PREX1: variants seen among roughly 807,000 people sequenced by gnomAD.
The protein encoded by PREX1 is phosphatidylinositol-3,4,5-trisphosphate dependent Rac exchange factor 1.
PREX1 carries 41 observed loss-of-function variants against 198.3 expected under a neutral mutation model. That is an observed-to-expected ratio of 0.21 (90% confidence interval 0.16 to 0.27). PREX1 has a LOEUF of 0.27. Ranked by LOEUF, PREX1 falls within the 10% of genes least tolerant of loss-of-function variation. The probability of loss-of-function intolerance (pLI) is 1.00; values close to 1 mark genes in which losing one functional copy is unlikely to be tolerated. For synonymous variants in PREX1, 843 were observed against 887.2 expected (o/e 0.95, Z 0.89); for missense variants, 1,620 against 2,200.7 (o/e 0.74, Z 5.28).
intron 27 of PREX1, among the ~76,000 whole-genome samples, chr20:48,643,800 A>T (rs527841445): frequency 6.6e-5 from 10 of 152,054 alleles, no homozygotes; most frequent in Admixed American, 2.0e-4. Flanking sequence ...CAGCCTCCCA[A>T]ATAGCTGGGA....
intron 37 of PREX1, among the ~76,000 whole-genome samples, chr20:48,628,167 C>T (rs1049135889): frequency 1.4e-4 from 22 of 152,170 alleles, no homozygotes; most frequent in African/African-American, 4.8e-4. Flanking sequence ...CAGCCACCAC[C>T]CTCACTGGCA....
chr20:48,723,887 C>T (rs1000179096), intron 5 of PREX1, among the ~76,000 whole-genome samples: 6 of 152,166 alleles, frequency 3.9e-5, no homozygotes, highest in Non-Finnish European at 7.3e-5. Context: ...AAATATGTCA[C>T]GGAAGCTGCA....
chr20:48,838,051 T>A, the PREX1 span, among the ~76,000 whole-genome samples: 5 of 152,180 alleles, frequency 3.3e-5, no homozygotes, highest in Non-Finnish European at 1.5e-5. Context: ...TGAACTACAG[T>A]GCTCAGAGGA....
Position 48,729,051 on chromosome 20 carries a change from C to G in PREX1, c.520-2660G>C, listed in dbSNP as rs564747162. ...CCTCCCTTTCTGCCCATGCTGCCCC[C>G]CTGGCTGATCCCACCCTGACTCGGC... is the stretch of plus-strand genomic sequence containing the variant. On this transcript the variant is annotated intron_variant, in intron 4 of 39. Transcript: ENST00000371941. 4.5e-4 allele frequency among the ~76,000 whole-genome samples: 68 copies of G among 152,138 alleles called. 1 individual carries two copies. The highest frequency in any genetic ancestry group is 1.6e-3 in the African/African-American group (66 of 41,508).
rs139224346 is a variant in PREX1 at position 48,739,545 on chromosome 20, A to C, written c.415-4895T>G. Reference sequence around the variant, plus strand: ...CAGAGTCACTCTTTACCACATCTGCATTTTATGTTCTTCACAGTCTGCACT... The same window carrying C: ...CAGAGTCACTCTTTACCACATCTGCCTTTTATGTTCTTCACAGTCTGCACT... On this transcript the variant is annotated intron_variant, in intron 3 of 39. Coordinates refer to ENST00000371941, the MANE Select transcript of PREX1 (RefSeq NM_020820.4). Among the ~76,000 whole-genome samples the C allele has an allele frequency of 4.2e-3, 634 of 152,232 alleles. 6 individuals carry two copies. The highest frequency in any genetic ancestry group is 0.015 in the African/African-American group (611 of 41,540).
intron 30 of PREX1, among the ~76,000 whole-genome samples, chr20:48,638,982 G>C (rs1205890778): frequency 6.6e-6 from 1 of 152,236 alleles, no homozygotes; most frequent in Non-Finnish European, 1.5e-5. Flanking sequence ...CTCCGACTCA[G>C]AGGCTGCCAT....
At chr20:48,778,524 A>C (rs2090273981) in intron 1 of PREX1, among the ~76,000 whole-genome samples, 1 of 151,920 alleles carries the variant, frequency 6.6e-6, no homozygotes, top group African/African-American at 2.4e-5. Flanking sequence ...CAGGAGGTGG[A>C]GGTTGCAGTG....
At chr20:48,710,261 C>A (rs761579652) in intron 5 of PREX1, among the ~76,000 whole-genome samples, 3 of 152,196 alleles carry the variant, frequency 2.0e-5, no homozygotes, top group Admixed American at 1.3e-4. Flanking sequence ...GAGTGTATTT[C>A]GACTCATTCT....
chr20:48,688,859 G>A (rs1480327558), intron 9 of PREX1, 55 bp from the exon 10 acceptor site: 9 of 1,605,540 alleles, frequency 5.6e-6, no homozygotes, highest in East Asian at 2.2e-5. Flanking sequence ...GGCAGGGGGG[G>A]TAGGGGGAGA....
the PREX1 span, among the ~76,000 whole-genome samples, chr20:48,865,298 G>T: frequency 6.6e-6 from 1 of 152,196 alleles, no homozygotes; most frequent in Admixed American, 6.5e-5. Flanking sequence ...GTAAAATGAA[G>T]TATGTGCAAT....
At chr20:48,838,418 C>A in the PREX1 span, among the ~76,000 whole-genome samples, 1 of 152,156 alleles carries the variant, frequency 6.6e-6, no homozygotes, top group Non-Finnish European at 1.5e-5. Flanking sequence ...CACATTCAGA[C>A]AAACTTCGAT....
intron 3 of PREX1, among the ~76,000 whole-genome samples, chr20:48,742,631 G>C (rs1284325388): frequency 6.6e-6 from 1 of 152,158 alleles, no homozygotes; most frequent in Non-Finnish European, 1.5e-5. Flanking sequence ...GCCTTCACCA[G>C]GTGCCTAGTT....
Position 48,642,074 on chromosome 20 carries a change from AG to A in PREX1, c.3775+93del. On this transcript the variant is annotated intron_variant, in intron 29 of 39. Coordinates refer to ENST00000371941, the MANE Select transcript of PREX1 (RefSeq NM_020820.4). ...GATGATCCTACAGTCGTTCAGCAGT[AG>A]GAGGGCAGAGCTGAGCATTAGCCCG... 5 of 1,293,360 alleles carry A rather than the reference AG, an allele frequency of 3.9e-6. No individual in the cohort carries two copies. The South Asian group carries it at 6.3e-5, about 16-fold the overall frequency. 80.1% of individuals were successfully genotyped at this position (1,293,360 alleles called of 1,614,324 possible). A position where few individuals can be genotyped will look rare whatever the true frequency, so the allele number is the denominator to read the frequency against.
Position 48,666,331 on chromosome 20 carries a change from C to T in PREX1, c.1690G>A (p.Ala564Thr). 2 of 1,567,800 alleles carry T rather than the reference C, an allele frequency of 1.3e-6. No homozygotes were observed. The highest frequency in any genetic ancestry group is 1.4e-5 in the African/African-American group (1 of 73,612). Residue 564 changes from alanine to threonine, a missense_variant, in exon 15 of 40, where the codon GCA (alanine) becomes ACA (threonine). Physicochemically the swap from Ala to Thr is moderately conservative, Grantham distance 58. Coordinates refer to ENST00000371941, the MANE Select transcript of PREX1 (RefSeq NM_020820.4). This position sits in a 1 kb window ranked among gnomAD's most constrained non-coding sequence, Gnocchi z 4.3. ...CACAGACCCACGCCGAGCGCCACTG[C>T]CTCCTCCCGAGTCTGGCAGTCTCCC... Reference protein sequence around the residue: ...AQGDCQTREEAVALGVGLCNN... With the variant: ...AQGDCQTREETVALGVGLCNN...
chr20:48,724,929 G>C (rs2090002956), intron 5 of PREX1, among the ~76,000 whole-genome samples: 1 of 152,228 alleles, frequency 6.6e-6, no homozygotes, highest in African/African-American at 2.4e-5. Context: ...TCGAAGCCAT[G>C]GCAACAACAA....
chr20:48,857,630 G>C, the PREX1 span, among the ~76,000 whole-genome samples: 44 of 152,248 alleles, frequency 2.9e-4, no homozygotes, highest in African/African-American at 9.9e-4. Flanking sequence ...AAAATTAACA[G>C]AGCATGGTGG....
chr20:48,650,001 T>A lies in PREX1; in HGVS notation c.3023A>T (p.Glu1008Val), dbSNP rs1433879241. 1.9e-6 allele frequency: 3 copies of A among 1,613,950 alleles called. No homozygotes were observed. The highest frequency in any genetic ancestry group is 2.2e-5 in the South Asian group (2 of 91,086). ...RKPSLIGLDP[E>V]QGHLNPMSYT... ...TAATAGACACACACAGGTACCTTGC[T>A]CCGGGTCAAGGCCGATGAGGGAGGG... The change falls in exon 24 of 40, where the codon GAG becomes GTG. Residue 1008 changes from glutamate to valine, a missense_variant. Glu to Val is a moderately radical substitution (Grantham distance 121). Around this residue, in one of 7 missense-constraint regions of PREX1, gnomAD observed 514 missense variants for 611.6 expected, o/e 0.84. Coordinates refer to ENST00000371941, the MANE Select transcript of PREX1 (RefSeq NM_020820.4).
chr20:48,637,619 C>A (rs1479619866), intron 31 of PREX1, 92 bp downstream of exon 31: 65 of 1,295,984 alleles, frequency 5.0e-5, no homozygotes, highest in Non-Finnish European at 6.7e-5. Context: ...AGCGTTGCCT[C>A]CCCCCGTCCA....
At chr20:48,638,335 G>A (rs906333824) in intron 30 of PREX1, among the ~76,000 whole-genome samples, 1 of 151,990 alleles carries the variant, frequency 6.6e-6, no homozygotes, top group Non-Finnish European at 1.5e-5. Flanking sequence ...AGACACACGA[G>A]TGCACACATA....
Sources: gnomAD v4.1 joint callset for allele counts (sites outside exome capture counted in the v4.1 genomes callset) on GRCh38, gnomAD v4.1.1 for gene constraint, gnomAD v4.1.1 regional missense constraint, Gnocchi (gnomAD v3.1) non-coding constraint, MANE v1.5 for transcripts, NCBI Gene and HGNC (gene_info 2026-07-23, HGNC 2026-07-21) for gene names.